TMEM63C: variants seen among roughly 807,000 people sequenced by gnomAD.
The protein encoded by TMEM63C is transmembrane protein 63C, also known as osmosensitive cation channel TMEM63C.
A neutral mutation model predicts 99.2 loss-of-function variants in TMEM63C; 32 were observed. The observed-to-expected ratio is 0.32, with a 90% CI of 0.24 to 0.43. The LOEUF is 0.43. Among genes scored for constraint, TMEM63C ranks in the 20% least tolerant of loss-of-function variants. The pLI is 1.00. For missense variants in TMEM63C, 826 were observed against 1,053.0 expected, an observed-to-expected ratio of 0.78 and a Z score of 2.98; for synonymous variants, 376 against 397.9, an observed-to-expected ratio of 0.94 and a Z score of 0.66.
intron 4 of TMEM63C, 31 bp downstream of exon 4, chr14:77,219,608 G>A (rs1247441706): frequency 8.7e-6 from 14 of 1,610,404 alleles, no homozygotes; most frequent in African/African-American, 1.3e-5. Flanking sequence ...GTGAGCCGTT[G>A]CCCCCTTGGG....
At chr14:77,200,183 C>T (rs953967796) in intron 1 of TMEM63C, among the ~76,000 whole-genome samples, 1 of 152,194 alleles carries the variant, frequency 6.6e-6, no homozygotes, top group African/African-American at 2.4e-5. Context: ...GTGTGGCTTT[C>T]CTGATCCCCT....
chr14:77,202,634 C>G (rs1277989350), intron 1 of TMEM63C, among the ~76,000 whole-genome samples: 1 of 152,164 alleles, frequency 6.6e-6, no homozygotes, highest in Non-Finnish European at 1.5e-5. Flanking sequence ...TCTAAGGACA[C>G]CAGTCGTTGG....
intron 1 of TMEM63C, among the ~76,000 whole-genome samples, chr14:77,182,906 C>T (rs543163867): frequency 1.6e-4 from 24 of 152,248 alleles, no homozygotes; most frequent in African/African-American, 5.8e-4. Flanking sequence ...CTTCAACAGC[C>T]TGCAGCGCTC....
chr14:77,250,788 C>T (rs538282221), intron 21 of TMEM63C, among the ~76,000 whole-genome samples: 4 of 152,292 alleles, frequency 2.6e-5, no homozygotes, highest in South Asian at 4.1e-4. Flanking sequence ...TTGCTTATCC[C>T]GCTAGCCTTT....
chr14:77,250,532 C>CG (rs1889342579), intron 21 of TMEM63C, among the ~76,000 whole-genome samples: 2 of 151,206 alleles, frequency 1.3e-5, no homozygotes, highest in Non-Finnish European at 3.0e-5. Flanking sequence ...CTCCGCCTCC[C>CG]GGGTTAAAGC....
chr14:77,243,886 G>A (rs1594868125), intron 15 of TMEM63C, among the ~76,000 whole-genome samples: 2 of 151,838 alleles, frequency 1.3e-5, no homozygotes, highest in Non-Finnish European at 2.9e-5. Flanking sequence ...ATGCACACAC[G>A]TACACACACA....
At chr14:77,219,816 C>T (rs1347251923) in intron 4 of TMEM63C, among the ~76,000 whole-genome samples, 190 bp from the exon 5 acceptor site, 1 of 152,236 alleles carries the variant, frequency 6.6e-6, no homozygotes, top group African/African-American at 2.4e-5. Flanking sequence ...CTCCCAGATG[C>T]CTGGTGTACC....
chr14:77,212,904 A>G (rs1459351230), intron 1 of TMEM63C, among the ~76,000 whole-genome samples: 1 of 152,194 alleles, frequency 6.6e-6, no homozygotes, highest in Non-Finnish European at 1.5e-5. Context: ...TCCCAGGCAG[A>G]AGGGCCACCT....
At chr14:77,194,501 C>A (rs1555346129) in intron 1 of TMEM63C, among the ~76,000 whole-genome samples, 1 of 8,574 alleles carries the variant, frequency 1.2e-4, no homozygotes, top group Non-Finnish European at 3.2e-4. Context: ...TTTTTTCTTT[C>A]TTTCTTTCTT....
chr14:77,218,980 G>A lies in TMEM63C; in HGVS notation c.150+17G>A. ...CTGTGGGTGGTGAGTCCTGGGCACT[G>A]CAGGAGGCAGACAGTAAAGCCTCAG... On this transcript the variant is annotated intron_variant, in intron 3 of 23. Transcript: ENST00000298351. 1 of 1,533,230 alleles carries A rather than the reference G, an allele frequency of 6.5e-7. No homozygotes were observed. The highest frequency in any genetic ancestry group is 1.2e-5 in the South Asian group (1 of 80,756). 95.0% of individuals were successfully genotyped at this position (1,533,230 alleles called of 1,614,324 possible). A position where few individuals can be genotyped will look rare whatever the true frequency, so the allele number is the denominator to read the frequency against.
intron 2 of TMEM63C, among the ~76,000 whole-genome samples, chr14:77,216,621 C>A (rs561181189): frequency 6.6e-6 from 1 of 152,322 alleles, no homozygotes; most frequent in South Asian, 2.1e-4. Flanking sequence ...AACAGCAACT[C>A]TATCTTCCAG....
At position 77,220,019 on chromosome 14, in the gene TMEM63C, A is replaced by C. The variant is rs761552709; in HGVS notation, c.244A>C (p.Ile82Leu). The C allele has an allele frequency of 2.6e-6, 4 of 1,559,788 alleles. No homozygotes were observed. Among genetic ancestry groups the C allele is most frequent in the Non-Finnish European group, 8.7e-7 (1 of 1,151,670 alleles). Residue 82 changes from isoleucine to leucine, a missense_variant, in exon 5 of 24, where the codon ATC (isoleucine) becomes CTC (leucine). Ile to Leu is a conservative substitution (Grantham distance 5, BLOSUM62 2). Coordinates refer to ENST00000298351, the MANE Select transcript of TMEM63C (RefSeq NM_020431.4). Reference sequence around the variant, plus strand: ...CCTGGCTGGCAGCCTGACCTCGCTGATCTATGGGGAGCAGAGCGAGAAGAC... The same window carrying C: ...CCTGGCTGGCAGCCTGACCTCGCTGCTCTATGGGGAGCAGAGCGAGAAGAC... Reference protein sequence around the residue: ...LIHNDSLTSLIYGEQSEKTSP... With the variant: ...LIHNDSLTSLLYGEQSEKTSP...
intron 1 of TMEM63C, among the ~76,000 whole-genome samples, chr14:77,183,744 G>A (rs1336157560): frequency 1.3e-5 from 2 of 152,232 alleles, no homozygotes; most frequent in Non-Finnish European, 2.9e-5. Context: ...GGCTTCACAG[G>A]AGCCTTGGGT....
chr14:77,183,999 A>G (rs967023609), intron 1 of TMEM63C, among the ~76,000 whole-genome samples: 11 of 152,196 alleles, frequency 7.2e-5, no homozygotes, highest in African/African-American at 2.4e-4. Flanking sequence ...GAGTGCCTCT[A>G]TCGGCAGGCA....
chr14:77,201,193 G>A (rs2140097165), intron 1 of TMEM63C: 1 of 152,194 alleles, frequency 6.6e-6, no homozygotes, highest in South Asian at 2.1e-4. Flanking sequence ...ACTGAGGCAG[G>A]AGCTCCTCCT....
intron 8 of TMEM63C, among the ~76,000 whole-genome samples, chr14:77,235,889 A>G (rs193169653): frequency 2.9e-3 from 2 of 694 alleles, no homozygotes; most frequent in Non-Finnish European, 4.2e-3. Context: ...GGAGACTGTG[A>G]TGGGTGGGAG....
chr14:77,249,013 G>A, intron 20 of TMEM63C, 141 bp downstream of exon 20: 6 of 847,212 alleles, frequency 7.1e-6, no homozygotes, highest in Non-Finnish European at 1.2e-5. Context: ...CAAGCTGGGG[G>A]TACAGGGCAG....
intron 5 of TMEM63C, among the ~76,000 whole-genome samples, chr14:77,220,544 C>G (rs1378541020): frequency 6.6e-6 from 1 of 152,082 alleles, no homozygotes; most frequent in Admixed American, 6.5e-5. Context: ...TCCTCCTCTT[C>G]CCTGGTGAAG....
At chr14:77,206,939 C>G (rs1287616502) in intron 1 of TMEM63C, among the ~76,000 whole-genome samples, 2 of 151,604 alleles carry the variant, frequency 1.3e-5, no homozygotes, top group African/African-American at 4.9e-5. Flanking sequence ...TTGTATCCTG[C>G]TGTTTTTATT....
Sources: allele counts gnomAD v4.1 joint callset (sites outside exome capture counted in the v4.1 genomes callset), GRCh38; gene constraint gnomAD v4.1.1; transcripts MANE v1.5; gene names NCBI Gene and HGNC (gene_info 2026-07-23, HGNC 2026-07-21).